Variants in SGCD observed in about 807,000 individuals in gnomAD.
The protein encoded by SGCD is delta-sarcoglycan.
A neutral mutation model predicts 36.6 loss-of-function variants in SGCD; 18 were observed. The ratio of observed to expected loss-of-function variants is 0.49; its 90% confidence interval spans 0.34 to 0.73. The LOEUF is 0.73. SGCD is among the 30% of genes least tolerant of loss of function. The pLI is 0.01. For missense variants in SGCD, 387 were observed against 346.7 expected (o/e 1.12, Z -0.92); for synonymous variants, 133 against 130.6 (o/e 1.02, Z -0.12).
intron 1 of SGCD, among the ~76,000 whole-genome samples, chr5:155,967,544 T>C (rs1757925380): frequency 6.6e-6 from 1 of 152,074 alleles, no homozygotes; most frequent in African/African-American, 2.4e-5. Context: ...CTCCTATCCA[T>C]TTCAAGTATG....
intron 1 of SGCD, among the ~76,000 whole-genome samples, chr5:155,905,355 T>C (rs1206078452): frequency 1.3e-5 from 2 of 151,280 alleles, no homozygotes; most frequent in Non-Finnish European, 3.0e-5. Context: ...TATTAGTTAC[T>C]TTTTTTTTGG....
chr5:156,009,073 G>A (rs1051634954), intron 1 of SGCD, among the ~76,000 whole-genome samples: 1 of 152,284 alleles, frequency 6.6e-6, no homozygotes, highest in African/African-American at 2.4e-5. Context: ...AGTGACTGGA[G>A]CGAAGGAGGG....
chr5:155,883,919 C>T (rs1307698015), intron 1 of SGCD, among the ~76,000 whole-genome samples: 1 of 151,746 alleles, frequency 6.6e-6, no homozygotes, highest in African/African-American at 2.4e-5. Context: ...CAGCAAAATC[C>T]TACAGGGTAG....
rs750421437 is a variant in SGCD at position 156,335,942 on chromosome 5, G to A, written c.3+6363G>A. Reference sequence around the variant, plus strand: ...ACCTGTTCTCCACACTTCCATTCTCGCTCCTACAACCCATTTCCTAGAGAA... The same window carrying A: ...ACCTGTTCTCCACACTTCCATTCTCACTCCTACAACCCATTTCCTAGAGAA... On this transcript the variant is annotated intron_variant, in intron 2 of 8. Coordinates refer to ENST00000337851, the MANE Select transcript of SGCD (RefSeq NM_000337.6). Among the ~76,000 whole-genome samples, 74 of 152,164 alleles carry A rather than the reference G, an allele frequency of 4.9e-4. 1 individual carries two copies. The Middle Eastern group carries it at 0.024, about 49-fold the overall frequency.
chr5:156,240,383 A>G (rs1765276962), intron 3 of SGCD, among the ~76,000 whole-genome samples: 1 of 152,186 alleles, frequency 6.6e-6, no homozygotes, highest in Non-Finnish European at 1.5e-5. Context: ...GCTTGGGGGA[A>G]TGCTAACAAA....
chr5:155,989,021 A>C (rs1758384426), intron 1 of SGCD, among the ~76,000 whole-genome samples: 1 of 152,186 alleles, frequency 6.6e-6, no homozygotes, highest in Admixed American at 6.5e-5. Flanking sequence ...TTACCCATTG[A>C]CTGTCTGCCA....
intron 7 of SGCD, among the ~76,000 whole-genome samples, chr5:156,665,444 A>G (rs1764116125): frequency 6.6e-6 from 1 of 152,234 alleles, no homozygotes; most frequent in Non-Finnish European, 1.5e-5. Flanking sequence ...TCTATTAAAC[A>G]GCTTCCAGGG....
chr5:156,655,675 T>G (rs1307183064), intron 7 of SGCD, among the ~76,000 whole-genome samples: 1 of 152,182 alleles, frequency 6.6e-6, no homozygotes, highest in African/African-American at 2.4e-5. Flanking sequence ...TGTTCTGGAT[T>G]CCAGACTATA....
chr5:156,296,923 C>T (rs546482284), intron 3 of SGCD, among the ~76,000 whole-genome samples: 2 of 151,886 alleles, frequency 1.3e-5, no homozygotes, highest in African/African-American at 2.4e-5. Context: ...GATATATGAA[C>T]ATTTATATGC....
chr5:155,926,716 T>C (rs1411673932), intron 1 of SGCD, among the ~76,000 whole-genome samples: 1 of 152,166 alleles, frequency 6.6e-6, no homozygotes, highest in Non-Finnish European at 1.5e-5. Context: ...AGTGTTAAAA[T>C]AAATTGAGGT....
At chr5:156,148,114 A>C (rs563777636) in intron 3 of SGCD, among the ~76,000 whole-genome samples, 1 of 152,328 alleles carries the variant, frequency 6.6e-6, no homozygotes, top group South Asian at 2.1e-4. Context: ...TGTAGTGAAA[A>C]AAGAATGTGT....
intron 7 of SGCD, among the ~76,000 whole-genome samples, chr5:156,677,860 AG>A (rs1203018450): frequency 6.6e-5 from 10 of 152,220 alleles, no homozygotes; most frequent in African/African-American, 9.6e-5. Context: ...TCATTTAGGA[AG>A]GTTTTCAGAC....
At chr5:156,196,658 A>G (rs781230740) in intron 3 of SGCD, among the ~76,000 whole-genome samples, 5 of 152,224 alleles carry the variant, frequency 3.3e-5, no homozygotes, top group African/African-American at 7.2e-5. Flanking sequence ...ACACTAGTGG[A>G]TATTTGGCCT....
At chr5:156,325,182 C>T (rs1767774897), upstream of SGCD, among the ~76,000 whole-genome samples, 1 of 151,924 alleles carries the variant, frequency 6.6e-6, no homozygotes, top group Non-Finnish European at 1.5e-5. Flanking sequence ...AGCGGTATAG[C>T]TGGCTTAATG....
intron 1 of SGCD, among the ~76,000 whole-genome samples, chr5:155,912,425 A>G (rs367640632): frequency 5.7e-4 from 87 of 152,246 alleles, no homozygotes; most frequent in African/African-American, 1.5e-3. Context: ...TTTTCTTTTA[A>G]TGATTTGTGC....
the SGCD span, among the ~76,000 whole-genome samples, chr5:155,732,430 G>A: frequency 6.6e-6 from 1 of 152,190 alleles, no homozygotes; most frequent in Non-Finnish European, 1.5e-5. Flanking sequence ...ATTCTAGGCT[G>A]ATGGAGCCAA....
At chr5:155,792,544 TAAAC>T in the SGCD span, among the ~76,000 whole-genome samples, 1 of 149,808 alleles carries the variant, frequency 6.7e-6, no homozygotes, top group African/African-American at 2.5e-5. Flanking sequence ...ACAAGGAACT[TAAAC>T]AAATGAGCAA....
chr5:156,218,704 T>C (rs1164033202), intron 3 of SGCD, among the ~76,000 whole-genome samples: 3 of 152,132 alleles, frequency 2.0e-5, no homozygotes, highest in Non-Finnish European at 4.4e-5. Context: ...CCACAGTCAT[T>C]TCTTTGCAAG....
intron 3 of SGCD, among the ~76,000 whole-genome samples, chr5:156,307,314 G>A (rs1767243073): frequency 6.6e-6 from 1 of 152,106 alleles, no homozygotes; most frequent in Admixed American, 6.5e-5. Flanking sequence ...CTAAAGTGCT[G>A]CACAGATGTG....
Sources: gnomAD v4.1 joint callset for allele counts (sites outside exome capture counted in the v4.1 genomes callset) on GRCh38, gnomAD v4.1.1 for gene constraint, MANE v1.5 for transcripts, NCBI Gene and HGNC (gene_info 2026-07-23, HGNC 2026-07-21) for gene names.